EPB41L5: variants seen among roughly 807,000 people sequenced by gnomAD.
The protein encoded by EPB41L5 is erythrocyte membrane protein band 4.1 like 5.
In EPB41L5, 55 loss-of-function variants were observed where a neutral mutation model predicts 106.6. The observed-to-expected ratio is 0.52, with a 90% CI of 0.42 to 0.65. The LOEUF (loss-of-function observed/expected upper bound fraction) is 0.65. Ranked by LOEUF, EPB41L5 falls within the 30% of genes least tolerant of loss-of-function variation. The probability of loss-of-function intolerance (pLI) is 0.00; values close to 1 mark genes in which losing one functional copy is unlikely to be tolerated. For synonymous variants in EPB41L5, 297 were observed against 306.7 expected (o/e 0.97, Z 0.33); for missense variants, 871 against 882.1 (o/e 0.99, Z 0.16).
At chr2:120,120,954 A>G (rs1293112951) in intron 16 of EPB41L5, among the ~76,000 whole-genome samples, 1 of 152,188 alleles carries the variant, frequency 6.6e-6, no homozygotes, top group Non-Finnish European at 1.5e-5. Flanking sequence ...CGTCTCCACT[A>G]AAAATACAAA....
intron 19 of EPB41L5, among the ~76,000 whole-genome samples, chr2:120,143,821 TATAAA>T (rs1211215927): frequency 6.6e-6 from 1 of 152,212 alleles, no homozygotes; most frequent in Non-Finnish European, 1.5e-5. Context: ...CATATTTACA[TATAAA>T]ATAAATATAA....
intron 2 of EPB41L5, among the ~76,000 whole-genome samples, chr2:120,041,393 C>T (rs1474463622): frequency 6.6e-6 from 1 of 152,074 alleles, no homozygotes; most frequent in East Asian, 1.9e-4. Context: ...TTGAGAACTG[C>T]TTTTTCCATA....
At chr2:120,107,973 G>A (rs1558881867) in intron 16 of EPB41L5, among the ~76,000 whole-genome samples, 1 of 152,102 alleles carries the variant, frequency 6.6e-6, no homozygotes. Flanking sequence ...TTAAAAGAAT[G>A]AGTGAAGAGA....
chr2:120,135,011 G>T (rs971739944), intron 18 of EPB41L5, among the ~76,000 whole-genome samples: 2 of 152,130 alleles, frequency 1.3e-5, no homozygotes, highest in Non-Finnish European at 2.9e-5. Context: ...CTTTCAGGCA[G>T]ATAATTCAAA....
intron 7 of EPB41L5, 82 bp downstream of exon 7, chr2:120,075,835 T>A: frequency 8.9e-7 from 1 of 1,118,514 alleles, no homozygotes; most frequent in Non-Finnish European, 1.4e-6. Context: ...ATTCTAATTA[T>A]GTGCAAGAAA....
At chr2:120,125,574 T>G (rs1685422264) in intron 16 of EPB41L5, among the ~76,000 whole-genome samples, 1 of 152,202 alleles carries the variant, frequency 6.6e-6, no homozygotes, top group South Asian at 2.1e-4. Flanking sequence ...TTCTCCACTT[T>G]CAGAGGTTCT....
At position 120,144,685 on chromosome 2, in the gene EPB41L5, A is replaced by G. The variant is rs186805324; in HGVS notation, c.1729-1540A>G. Among the ~76,000 whole-genome samples, 26 of 152,346 alleles carry G rather than the reference A, an allele frequency of 1.7e-4. No homozygotes were observed. The East Asian group carries it at 4.6e-3, about 27-fold the overall frequency. On this transcript the variant is annotated intron_variant, in intron 19 of 24. Coordinates refer to ENST00000263713, the MANE Select transcript of EPB41L5 (RefSeq NM_020909.4). Reference sequence around the variant, plus strand: ...AACACTTCCCAATTCATCTTATGAGACTAGTGTCACCCCAGTACCAAAACC... The same window carrying G: ...AACACTTCCCAATTCATCTTATGAGGCTAGTGTCACCCCAGTACCAAAACC...
rs111610533 is a variant in EPB41L5, at chr2:120,177,307, T to G, written c.*2400T>G. The stretch of plus-strand genomic sequence containing the variant: ...GAGAAAGGTTGGAGATGATAGTGGG[T>G]GAGAAGCAGGCTGGTGAGACTGGGC... On this transcript the variant is annotated 3_prime_UTR_variant, in exon 25 of 25. Transcript: ENST00000263713. The G allele has an allele frequency of 6.8e-6, 1 of 147,750 alleles. No homozygotes were observed. The highest frequency in any genetic ancestry group is 1.5e-5 in the Non-Finnish European group (1 of 67,406). 9.2% of individuals were successfully genotyped at this position (147,750 alleles called of 1,614,324 possible).
At chr2:120,104,330 AG>A in intron 16 of EPB41L5, 1 of 1,431,740 alleles carries the variant, frequency 7.0e-7, no homozygotes, top group African/African-American at 1.4e-5. Context: ...TCACATTAGG[AG>A]TATTTGGGAG....
At chr2:120,050,882 G>T (rs150017452) in intron 3 of EPB41L5, among the ~76,000 whole-genome samples, 6,058 of 152,312 alleles carry the variant, frequency 0.04, 187 homozygotes, top group Non-Finnish European at 0.058. Context: ...TAACAGTCAG[G>T]TCCCTCAGCT....
At chr2:120,105,266 TA>T in intron 16 of EPB41L5, 5 of 978,420 alleles carry the variant, frequency 5.1e-6, no homozygotes, top group Non-Finnish European at 6.1e-6. Flanking sequence ...TGTCTTTTTT[TA>T]GTTTTCTTTT....
intron 16 of EPB41L5, among the ~76,000 whole-genome samples, chr2:120,120,431 C>CAAAAAAA (rs35837378): frequency 1.1e-5 from 1 of 92,808 alleles, no homozygotes; most frequent in African/African-American, 4.8e-5. Flanking sequence ...CACTCAATCT[C>CAAAAAAA]AAAAAAAAAA....
chr2:120,020,828 AAGAG>A (rs774495199), intron 2 of EPB41L5, among the ~76,000 whole-genome samples: 16 of 16,734 alleles, frequency 9.6e-4, no homozygotes, highest in South Asian at 2.2e-3. Context: ...AAAAAAAAAA[AAGAG>A]GTTTTTAAAA....
At chr2:120,170,229 T>A (rs1687616471) in intron 24 of EPB41L5, among the ~76,000 whole-genome samples, 1 of 152,256 alleles carries the variant, frequency 6.6e-6, no homozygotes. Flanking sequence ...CATAATTGTA[T>A]TAATTGTCTA....
intron 16 of EPB41L5, among the ~76,000 whole-genome samples, chr2:120,117,264 A>G (rs189269188): frequency 2.0e-5 from 3 of 152,182 alleles, no homozygotes; most frequent in Admixed American, 2.0e-4. Context: ...CCTGGCTTCT[A>G]TTTGGTTAAT....
intron 3 of EPB41L5, among the ~76,000 whole-genome samples, chr2:120,048,335 A>G (rs548116127): frequency 3.4e-4 from 52 of 152,060 alleles, no homozygotes; most frequent in Non-Finnish European, 5.1e-4. Flanking sequence ...CCTCAATTTC[A>G]GAGCCTGTTA....
At chr2:120,073,086 G>A (rs1401654623) in intron 3 of EPB41L5, 92 bp from the exon 4 acceptor site, 2 of 1,118,628 alleles carry the variant, frequency 1.8e-6, no homozygotes, top group Non-Finnish European at 2.7e-6. Context: ...GCGGTTATCA[G>A]TGTAGGCACA....
At position 120,082,595 on chromosome 2, in the gene EPB41L5, T is replaced by C. The variant is rs556528219; in HGVS notation, c.803+4014T>C. On this transcript the variant is annotated intron_variant, in intron 10 of 24. Transcript: ENST00000263713. ...TTTTTGTTGTGTCTCTGCCAGGCTT[T>C]GGTATAGGATGATGCTGGCCTCATA... Among the ~76,000 whole-genome samples the C allele has an allele frequency of 1.1e-4, 16 of 152,308 alleles. No individual in the cohort carries two copies. In the South Asian group the frequency reaches 1.5e-3, roughly 14 times the overall value.
At chr2:120,124,198 C>G (rs1012838762) in intron 16 of EPB41L5, among the ~76,000 whole-genome samples, 2 of 152,144 alleles carry the variant, frequency 1.3e-5, no homozygotes, top group Non-Finnish European at 2.9e-5. Flanking sequence ...TCACCTCTTC[C>G]GAAACCGTTC....
Sources: gnomAD v4.1 joint callset for allele counts (sites outside exome capture counted in the v4.1 genomes callset) on GRCh38, gnomAD v4.1.1 for gene constraint, MANE v1.5 for transcripts, NCBI Gene and HGNC (gene_info 2026-07-23, HGNC 2026-07-21) for gene names.